CFAP100: variants seen among roughly 807,000 people sequenced by gnomAD.
The protein encoded by CFAP100 is cilia and flagella associated protein 100.
In CFAP100, 70 loss-of-function variants were observed where a neutral mutation model predicts 81.5. The observed-to-expected ratio is 0.86, with a 90% CI of 0.71 to 1.05. The LOEUF is 1.05. Among genes scored for constraint, CFAP100 ranks in the 50% least tolerant of loss-of-function variants. The pLI is 0.00. For synonymous variants in CFAP100, 341 were observed against 314.8 expected (o/e 1.08, Z -0.88); for missense variants, 811 against 776.5 (o/e 1.04, Z -0.53).
intron 13 of CFAP100, among the ~76,000 whole-genome samples, chr3:126,428,269 A>T (rs1933037488): frequency 6.6e-6 from 1 of 152,248 alleles, no homozygotes; most frequent in African/African-American, 2.4e-5. Flanking sequence ...GAAAGGCTAT[A>T]CCCTGTATGA....
intron 13 of CFAP100, among the ~76,000 whole-genome samples, chr3:126,425,388 C>A (rs767053900): frequency 6.6e-6 from 1 of 152,128 alleles, no homozygotes; most frequent in Non-Finnish European, 1.5e-5. Flanking sequence ...TCATAATAGG[C>A]CTATTCCATT....
intron 15 of CFAP100, among the ~76,000 whole-genome samples, chr3:126,435,159 A>G (rs185693486): frequency 1.3e-5 from 2 of 152,260 alleles, no homozygotes; most frequent in Non-Finnish European, 2.9e-5. Context: ...GAGTATATAT[A>G]GGAAGGAGAC....
intron 13 of CFAP100, among the ~76,000 whole-genome samples, chr3:126,424,095 G>A (rs562003507): frequency 4.6e-5 from 7 of 152,370 alleles, no homozygotes; most frequent in East Asian, 1.9e-4. Context: ...ACCACTGAGC[G>A]GGTGTTCGCG....
At chr3:126,428,769 G>C (rs1454346855) in intron 13 of CFAP100, among the ~76,000 whole-genome samples, 1 of 152,146 alleles carries the variant, frequency 6.6e-6, no homozygotes, top group South Asian at 2.1e-4. Flanking sequence ...TTCATAGAAT[G>C]AGCTTGGAAA....
Position 126,418,748 on chromosome 3 carries a change from C to T in CFAP100, c.624C>T (p.Asp208=), listed in dbSNP as rs2083282121. 2 of 1,597,486 alleles carry T rather than the reference C, an allele frequency of 1.3e-6. No individual in the cohort carries two copies. ...ALFDEFVREN[D]CSSVQAMRAA... Reference sequence around the variant, plus strand: ...TCGACGAGTTCGTCAGGGAGAATGACTGCAGCTCCGTGCAGGCCATGAGAG... The same window carrying T: ...TCGACGAGTTCGTCAGGGAGAATGATTGCAGCTCCGTGCAGGCCATGAGAG... Residue 208 remains aspartate (D), a synonymous_variant, in exon 7 of 17, where the codon GAC becomes GAT. Transcript: ENST00000352312.
At chr3:126,421,204 AT>A (rs1413261421) in intron 11 of CFAP100, among the ~76,000 whole-genome samples, 3 of 151,950 alleles carry the variant, frequency 2.0e-5, no homozygotes, top group African/African-American at 7.3e-5. Context: ...GGGTTTTGCC[AT>A]GTTGGGCAGG....
chr3:126,435,506 A>T, intron 15 of CFAP100, 53 bp from the exon 16 acceptor site: 1 of 1,505,778 alleles, frequency 6.6e-7, no homozygotes, highest in Non-Finnish European at 9.2e-7. Context: ...TGTGGAGATT[A>T]CACAACACCT....
chr3:126,407,126 G>A, intron 2 of CFAP100, 46 bp from the exon 3 acceptor site: 1 of 1,377,744 alleles, frequency 7.3e-7, no homozygotes, highest in Middle Eastern at 1.8e-4. Flanking sequence ...AGTTCTCATG[G>A]GCCAGGGGAG....
chr3:126,434,787 T>G (rs1416685079), intron 15 of CFAP100, among the ~76,000 whole-genome samples: 1 of 151,990 alleles, frequency 6.6e-6, no homozygotes, highest in East Asian at 1.9e-4. Context: ...CTGGAGGGGC[T>G]GGAGGCTGAG....
At chr3:126,400,549 T>C (rs9823401) in intron 2 of CFAP100, among the ~76,000 whole-genome samples, 13,754 of 151,916 alleles carry the variant, frequency 0.091, 670 homozygotes, top group South Asian at 0.13. Flanking sequence ...GTCAGGAGAT[T>C]GAGACCATCC....
At chr3:126,432,298 A>AGG (rs1933264410) in intron 13 of CFAP100, among the ~76,000 whole-genome samples, 1 of 151,486 alleles carries the variant, frequency 6.6e-6, no homozygotes, top group Non-Finnish European at 1.5e-5. Context: ...AAAAAAAAAA[A>AGG]AAAAAAGGAA....
chr3:126,428,120 C>G (rs1933030660), intron 13 of CFAP100, among the ~76,000 whole-genome samples: 1 of 152,164 alleles, frequency 6.6e-6, no homozygotes, highest in Admixed American at 6.5e-5. Flanking sequence ...GACACAGATC[C>G]AAACAATATT....
At chr3:126,414,644 G>A (rs151277485) in intron 4 of CFAP100, among the ~76,000 whole-genome samples, 329 of 152,318 alleles carry the variant, frequency 2.2e-3, no homozygotes, top group African/African-American at 7.5e-3. Context: ...CCCACGGCAC[G>A]CACACACGTG....
At chr3:126,414,316 C>A (rs2083200562) in intron 4 of CFAP100, 137 bp downstream of exon 4, 1 of 766,524 alleles carries the variant, frequency 1.3e-6, no homozygotes, top group Non-Finnish European at 2.4e-6. Context: ...TAGCTCACCA[C>A]TTACTATAAA....
chr3:126,419,988 A>G lies in CFAP100; in HGVS notation c.922A>G (p.Ile308Val). Residue 308 changes from isoleucine (I) to valine (V), a missense_variant, in exon 10 of 17, where the codon ATC becomes GTC. Coordinates refer to ENST00000352312, the MANE Select transcript of CFAP100 (RefSeq NM_182628.3). ...NSTPGDKGPG[I>V]KGKASSMWAK... ...CCCTTTGCTTCCTGCAGGACCAGGGATCAAGGGCAAGGCGAGCTCCATGTG... is the reference window on the plus strand; with the variant it reads ...CCCTTTGCTTCCTGCAGGACCAGGGGTCAAGGGCAAGGCGAGCTCCATGTG... The G allele has an allele frequency of 6.2e-7, 1 of 1,613,112 alleles. No homozygotes were observed. Among genetic ancestry groups the G allele is most frequent in the East Asian group, 2.2e-5 (1 of 44,876 alleles).
In CFAP100 at chr3:126,416,486, C is replaced by T; in HGVS notation, c.396C>T (p.Thr132=). The change falls in exon 5 of 17, where the codon ACC becomes ACT. Residue 132 remains threonine, a synonymous_variant. Transcript: ENST00000352312. ...EHQRAFRDYT[T]WKLTLTKEKN... ...AGCGCGCCTTCCGCGACTACACGAC[C>T]TGGAAGCTCACCTTGACCAAAGGTG... 1 of 1,600,820 alleles carries T rather than the reference C, an allele frequency of 6.2e-7. No homozygotes were observed. Among genetic ancestry groups the T allele is most frequent in the Non-Finnish European group, 8.5e-7 (1 of 1,173,034 alleles).
chr3:126,422,921 C>G (rs1459925273), intron 11 of CFAP100, among the ~76,000 whole-genome samples: 1 of 152,068 alleles, frequency 6.6e-6, no homozygotes, highest in African/African-American at 2.4e-5. Context: ...CCAGGCAGGG[C>G]AGAGGGGCTG....
chr3:126,423,251 C>T (rs1024762919), intron 11 of CFAP100, 74 bp from the exon 12 acceptor site: 1 of 1,285,880 alleles, frequency 7.8e-7, no homozygotes, highest in Non-Finnish European at 1.1e-6. Flanking sequence ...GCCTTCAAGA[C>T]CTCTGTGCCC....
intron 2 of CFAP100, among the ~76,000 whole-genome samples, chr3:126,402,176 G>T (rs1238200279): frequency 6.6e-6 from 1 of 152,254 alleles, no homozygotes; most frequent in Non-Finnish European, 1.5e-5. Context: ...CCTGGCCACT[G>T]TCTGGCACCA....
Sources: gnomAD v4.1 joint callset for allele counts (sites outside exome capture counted in the v4.1 genomes callset) on GRCh38, gnomAD v4.1.1 for gene constraint, MANE v1.5 for transcripts, NCBI Gene and HGNC (gene_info 2026-07-23, HGNC 2026-07-21) for gene names.